STRBP: variants seen among roughly 807,000 people sequenced by gnomAD.
STRBP encodes the protein spermatid perinuclear RNA binding protein.
In STRBP, 13 loss-of-function variants were observed where a neutral mutation model predicts 80.1. That is an observed-to-expected ratio of 0.16 (90% CI 0.11 to 0.26). The LOEUF (loss-of-function observed/expected upper bound fraction) is 0.26. Ranked by LOEUF, STRBP falls within the 10% of genes least tolerant of loss-of-function variation. STRBP has a pLI of 1.00. For missense variants in STRBP, 485 were observed against 815.2 expected, an observed-to-expected ratio of 0.59 and a Z score of 4.93; for synonymous variants, 284 against 291.2, an observed-to-expected ratio of 0.98 and a Z score of 0.25.
Position 123,125,479 on chromosome 9 carries a change from C to A in STRBP, c.*118G>T. The A allele has an allele frequency of 2.3e-6, 3 of 1,298,922 alleles. No individual in the cohort carries two copies. Among genetic ancestry groups the A allele is most frequent in the South Asian group, 6.2e-5 (2 of 32,370 alleles). The allele number at this position is 1,298,922 out of a possible 1,614,324, so 80.5% of individuals were successfully genotyped here. On this transcript the variant is annotated 3_prime_UTR_variant, in exon 19 of 19. Coordinates refer to ENST00000348403, the MANE Select transcript of STRBP (RefSeq NM_018387.5). The stretch of plus-strand genomic sequence containing the variant: ...AAAATCAAAAAGTAGGAAAGATGTT[C>A]TTTACAAATAATTTTGATCAAGTAT...
intron 4 of STRBP, among the ~76,000 whole-genome samples, chr9:123,176,852 A>G (rs964929992): frequency 1.3e-5 from 2 of 152,234 alleles, no homozygotes; most frequent in Admixed American, 6.5e-5. Context: ...TTAAAATTAA[A>G]AACAGAATTC....
chr9:123,162,609 C>T (rs2037569054), intron 6 of STRBP, among the ~76,000 whole-genome samples: 1 of 152,184 alleles, frequency 6.6e-6, no homozygotes, highest in Non-Finnish European at 1.5e-5. Context: ...GTTCTCTTTA[C>T]TGGCCATGAC....
intron 2 of STRBP, among the ~76,000 whole-genome samples, chr9:123,185,370 C>G (rs1056989800): frequency 5.3e-5 from 8 of 152,056 alleles, no homozygotes; most frequent in African/African-American, 1.9e-4. Context: ...AGTTCGAGAC[C>G]AGACTGGGCA....
intron 2 of STRBP, among the ~76,000 whole-genome samples, chr9:123,215,073 T>G (rs2039850245): frequency 1.3e-5 from 2 of 152,054 alleles, no homozygotes; most frequent in Non-Finnish European, 2.9e-5. Context: ...CTTTCTTTTT[T>G]TTTTTCTTAA....
At chr9:123,198,911 A>G (rs932479533) in intron 2 of STRBP, among the ~76,000 whole-genome samples, 5 of 152,064 alleles carry the variant, frequency 3.3e-5, no homozygotes, top group African/African-American at 9.7e-5. Context: ...TATTTGGCTT[A>G]TTTCTGGGCT....
intron 1 of STRBP, among the ~76,000 whole-genome samples, chr9:123,253,455 T>A (rs2040958956): frequency 6.6e-6 from 1 of 152,238 alleles, no homozygotes; most frequent in South Asian, 2.1e-4. Flanking sequence ...AGATGATTCC[T>A]TCCATGTGTT....
chr9:123,143,585 C>T (rs1310773957), intron 13 of STRBP, among the ~76,000 whole-genome samples: 1 of 152,196 alleles, frequency 6.6e-6, no homozygotes, highest in East Asian at 1.9e-4. Context: ...TGTGATATAA[C>T]TTTTATGGAT....
chr9:123,237,352 C>T (rs1205156672), intron 1 of STRBP, among the ~76,000 whole-genome samples: 1 of 152,060 alleles, frequency 6.6e-6, no homozygotes, highest in East Asian at 1.9e-4. Flanking sequence ...AATGCACTCC[C>T]AAGAACATTT....
intron 1 of STRBP, among the ~76,000 whole-genome samples, chr9:123,251,397 G>C (rs2040914204): frequency 6.6e-6 from 1 of 152,086 alleles, no homozygotes; most frequent in Non-Finnish European, 1.5e-5. Flanking sequence ...AACTAACTCA[G>C]ATTTACTTGC....
intron 2 of STRBP, among the ~76,000 whole-genome samples, chr9:123,200,013 C>T (rs1024172002): frequency 5.3e-5 from 8 of 152,126 alleles, no homozygotes; most frequent in African/African-American, 9.7e-5. Flanking sequence ...TAGTCATAGA[C>T]GGCTTTTATT....
intron 1 of STRBP, among the ~76,000 whole-genome samples, chr9:123,239,551 G>A (rs576323260): frequency 3.3e-5 from 5 of 152,226 alleles, no homozygotes; most frequent in South Asian, 2.1e-4. Flanking sequence ...GGCACAGAAC[G>A]TCTTGCATTT....
intron 2 of STRBP, among the ~76,000 whole-genome samples, chr9:123,198,997 T>A (rs1015545892): frequency 3.3e-5 from 5 of 152,222 alleles, no homozygotes; most frequent in Admixed American, 2.6e-4. Context: ...CAGGCTGGAG[T>A]GCAGTGGCAC....
intron 11 of STRBP, among the ~76,000 whole-genome samples, chr9:123,151,110 T>C (rs1006265784): frequency 1.3e-5 from 2 of 151,904 alleles, no homozygotes; most frequent in African/African-American, 2.4e-5. Flanking sequence ...TCACACACAA[T>C]AGAAAAAGAC....
rs2035624327 is a variant in STRBP, at chr9:123,115,087, C to T, written c.*84+842G>A. ...CAATGGTCATCATTGAAGGACACAC[C>T]ACCCAGGGCCTTTTAAGAAGTGACT... is the stretch of plus-strand genomic sequence containing the variant. On this transcript the variant is annotated intron_variant and NMD_transcript_variant, in intron 3 of 3. Transcript: ENST00000471564. The surrounding 1 kb of genome is among the most constrained non-coding windows in gnomAD (Gnocchi z 5.0). The T allele has an allele frequency of 2.5e-6, 1 of 407,450 alleles. No homozygotes were observed. The highest frequency in any genetic ancestry group is 2.7e-5 in the Admixed American group (1 of 36,674). 25.2% of individuals were successfully genotyped at this position (407,450 alleles called of 1,614,324 possible).
At chr9:123,172,925 T>C (rs1185728418) in intron 5 of STRBP, among the ~76,000 whole-genome samples, 1 of 152,220 alleles carries the variant, frequency 6.6e-6, no homozygotes, top group Non-Finnish European at 1.5e-5. Context: ...GTGGCATTGA[T>C]ATGAAGACAA....
chr9:123,112,933 G>C (rs2035591205), intron 3 of STRBP: 1 of 167,130 alleles, frequency 6.0e-6, no homozygotes, highest in East Asian at 1.9e-4. Context: ...ATTGGAGACA[G>C]AATGTTTCAT....
rs1304454239 is a variant in STRBP at position 123,115,708 on chromosome 9, T to C, written c.*84+221A>G. ...AGTCAACATCAGAGTTCGTCCAAACTGACATTCCACAGCATTTCCTCTTTG... is the reference window on the plus strand; with the variant it reads ...AGTCAACATCAGAGTTCGTCCAAACCGACATTCCACAGCATTTCCTCTTTG... On this transcript the variant is annotated intron_variant and NMD_transcript_variant, in intron 3 of 3. Transcript: ENST00000471564. This position sits in a 1 kb window ranked among gnomAD's most constrained non-coding sequence, Gnocchi z 5.0. 1 of 334,688 alleles carries C rather than the reference T, an allele frequency of 3.0e-6. No homozygotes were observed. The highest frequency in any genetic ancestry group is 5.9e-6 in the Non-Finnish European group (1 of 170,280). The allele number at this position is 334,688 out of a possible 1,614,324, so 20.7% of individuals were successfully genotyped here. A position where few individuals can be genotyped will look rare whatever the true frequency, so the allele number is the denominator to read the frequency against.
chr9:123,211,047 T>A (rs1418171017), intron 2 of STRBP, among the ~76,000 whole-genome samples: 1 of 152,148 alleles, frequency 6.6e-6, no homozygotes, highest in Admixed American at 6.5e-5. Context: ...AGGTATACAC[T>A]AAGAGAAACT....
chr9:123,143,696 A>T (rs146051605), intron 13 of STRBP, among the ~76,000 whole-genome samples: 100 of 152,346 alleles, frequency 6.6e-4, no homozygotes, highest in African/African-American at 2.3e-3. Context: ...TGACCCAATA[A>T]TTCTATCTCT....
Sources: allele counts gnomAD v4.1 joint callset (sites outside exome capture counted in the v4.1 genomes callset), GRCh38; gene constraint gnomAD v4.1.1; non-coding constraint Gnocchi (gnomAD v3.1); transcripts MANE v1.5; gene names NCBI Gene and HGNC (gene_info 2026-07-23, HGNC 2026-07-21).